The following HCN1 variants were observed in gnomAD, a reference collection of about 807,000 sequenced individuals.
The protein encoded by HCN1 is hyperpolarization activated cyclic nucleotide gated potassium channel 1, also known as potassium/sodium hyperpolarization-activated cyclic nucleotide-gated channel 1.
HCN1 carries 13 observed loss-of-function variants against 78.9 expected under a neutral mutation model. The observed-to-expected ratio is 0.16, with a 90% CI of 0.11 to 0.26. The LOEUF is 0.26. HCN1 is among the 10% of genes least tolerant of loss of function. The pLI, the probability that HCN1 is intolerant of heterozygous loss-of-function variation, is 1.00. For synonymous variants in HCN1, 552 were observed against 455.5 expected, an observed-to-expected ratio of 1.21 and a Z score of -2.70; for missense variants, 810 against 1,154.3, an observed-to-expected ratio of 0.70 and a Z score of 4.32.
At chr5:45,599,923 C>T (rs1006914890) in intron 2 of HCN1, among the ~76,000 whole-genome samples, 2 of 151,934 alleles carry the variant, frequency 1.3e-5, no homozygotes, top group African/African-American at 4.8e-5. Context: ...TCTTCTTTCT[C>T]ATCAAGACCA....
chr5:45,498,424 T>C (rs918297681), intron 2 of HCN1, among the ~76,000 whole-genome samples: 1 of 152,190 alleles, frequency 6.6e-6, no homozygotes, highest in African/African-American at 2.4e-5. Context: ...CGAGCCTTGG[T>C]TTTCAGCTCC....
At chr5:45,337,896 A>C (rs939353917) in intron 5 of HCN1, among the ~76,000 whole-genome samples, 6 of 152,138 alleles carry the variant, frequency 3.9e-5, no homozygotes, top group Admixed American at 3.9e-4. Context: ...CTAACACACA[A>C]AAAAAGATAA....
chr5:45,530,437 GTT>G (rs543568151), intron 2 of HCN1, among the ~76,000 whole-genome samples: 2 of 143,776 alleles, frequency 1.4e-5, no homozygotes, highest in Admixed American at 7.0e-5. Context: ...TACATATATA[GTT>G]TTTTTTTTTA....
At chr5:45,439,531 A>G (rs1006480524) in intron 3 of HCN1, among the ~76,000 whole-genome samples, 1 of 152,156 alleles carries the variant, frequency 6.6e-6, no homozygotes, top group Non-Finnish European at 1.5e-5. Flanking sequence ...CTGTAAATTA[A>G]TGTTATTTTT....
intron 2 of HCN1, among the ~76,000 whole-genome samples, chr5:45,505,158 A>G (rs1004088494): frequency 6.8e-4 from 104 of 152,214 alleles, no homozygotes; most frequent in Non-Finnish European, 9.1e-4. Flanking sequence ...TTGGTGTTTT[A>G]GACATGAAGT....
At chr5:45,606,529 T>G (rs183383063) in intron 2 of HCN1, among the ~76,000 whole-genome samples, 161 of 151,934 alleles carry the variant, frequency 1.1e-3, no homozygotes, top group African/African-American at 3.6e-3. Flanking sequence ...CACAGGGCTT[T>G]CAAGCAGGTG....
intron 4 of HCN1, among the ~76,000 whole-genome samples, chr5:45,366,937 C>T (rs566815072): frequency 6.6e-6 from 1 of 151,774 alleles, no homozygotes; most frequent in South Asian, 2.1e-4. Flanking sequence ...AAGAAGAATA[C>T]ATAAATATTA....
chr5:45,416,269 CCA>C (rs1430513520), intron 3 of HCN1, among the ~76,000 whole-genome samples: 1 of 151,660 alleles, frequency 6.6e-6, no homozygotes, highest in Non-Finnish European at 1.5e-5. Flanking sequence ...TTCATATATC[CCA>C]CTCCTCACTT....
At chr5:45,557,417 A>G (rs1743493291) in intron 2 of HCN1, among the ~76,000 whole-genome samples, 1 of 152,134 alleles carries the variant, frequency 6.6e-6, no homozygotes, top group African/African-American at 2.4e-5. Flanking sequence ...ACAATTCAGA[A>G]TAAAAAGTTT....
At chr5:45,444,325 A>G (rs1192378367) in intron 3 of HCN1, among the ~76,000 whole-genome samples, 1 of 152,228 alleles carries the variant, frequency 6.6e-6, no homozygotes, top group Non-Finnish European at 1.5e-5. Flanking sequence ...ATATAAGCAG[A>G]CAGCCAGTGA....
chr5:45,368,675 T>C (rs901913284), intron 4 of HCN1, among the ~76,000 whole-genome samples: 11 of 151,552 alleles, frequency 7.3e-5, no homozygotes, highest in African/African-American at 2.7e-4. Flanking sequence ...ATTTAACGCA[T>C]CCAAAGCTGA....
At chr5:45,665,583 T>C (rs1317331975) in intron 1 of HCN1, among the ~76,000 whole-genome samples, 15 of 152,004 alleles carry the variant, frequency 9.9e-5, no homozygotes, top group Admixed American at 9.8e-4. Flanking sequence ...ATTCTCAGAC[T>C]CTTTTTGGTA....
chr5:45,427,058 C>T (rs926698362), intron 3 of HCN1, among the ~76,000 whole-genome samples: 13 of 151,768 alleles, frequency 8.6e-5, no homozygotes, highest in African/African-American at 3.1e-4. Context: ...CACACATATT[C>T]GAGTAGTCTT....
intron 2 of HCN1, among the ~76,000 whole-genome samples, chr5:45,567,655 G>C (rs915754337): frequency 1.4e-5 from 2 of 147,792 alleles, no homozygotes; most frequent in African/African-American, 2.5e-5. Flanking sequence ...ATAGCTTTTA[G>C]ATTGAATTTC....
chr5:45,629,564 T>G (rs2112008794), intron 2 of HCN1, among the ~76,000 whole-genome samples: 1 of 152,200 alleles, frequency 6.6e-6, no homozygotes, highest in Admixed American at 6.5e-5. Flanking sequence ...TGTAAGTACT[T>G]TCTAAGTCTG....
chr5:45,674,286 G>A (rs1291428187), intron 1 of HCN1, among the ~76,000 whole-genome samples: 4 of 151,348 alleles, frequency 2.6e-5, no homozygotes, highest in African/African-American at 9.7e-5. Flanking sequence ...TTTATGAGGA[G>A]AACTTAGAAG....
At chr5:45,297,655 T>A (rs779321846) in intron 6 of HCN1, among the ~76,000 whole-genome samples, 1 of 152,010 alleles carries the variant, frequency 6.6e-6, no homozygotes, top group Non-Finnish European at 1.5e-5. Context: ...GAAAGCACAT[T>A]ACATGAATAA....
chr5:45,545,296 T>C (rs1743190094), intron 2 of HCN1, among the ~76,000 whole-genome samples: 1 of 152,210 alleles, frequency 6.6e-6, no homozygotes. Flanking sequence ...TGGGGTTGTT[T>C]GATTTTTTTC....
intron 3 of HCN1, among the ~76,000 whole-genome samples, chr5:45,432,853 A>G (rs1740489973): frequency 6.6e-6 from 1 of 152,166 alleles, no homozygotes; most frequent in South Asian, 2.1e-4. Context: ...AAGAGGTTTA[A>G]TAGACTCGCA....
Sources: gnomAD v4.1 joint callset for allele counts (sites outside exome capture counted in the v4.1 genomes callset) on GRCh38, gnomAD v4.1.1 for gene constraint, MANE v1.5 for transcripts, NCBI Gene and HGNC (gene_info 2026-07-23, HGNC 2026-07-21) for gene names.